TENM3: variants seen among roughly 807,000 people sequenced by gnomAD.
TENM3 encodes the protein teneurin-3.
In TENM3, 63 loss-of-function variants were observed where a neutral mutation model predicts 255.1. That is an observed-to-expected ratio of 0.25 (90% confidence interval 0.20 to 0.30). TENM3 has a LOEUF of 0.30. Among genes scored for constraint, TENM3 ranks in the 10% least tolerant of loss-of-function variants. The pLI is 1.00. For synonymous variants in TENM3, 1,306 were observed against 1,322.3 expected, an observed-to-expected ratio of 0.99 and a Z score of 0.27; for missense variants, 2,929 against 3,461.1, an observed-to-expected ratio of 0.85 and a Z score of 3.86.
intron 3 of TENM3, among the ~76,000 whole-genome samples, chr4:182,468,325 A>G (rs1732786158): frequency 6.6e-6 from 1 of 152,134 alleles, no homozygotes; most frequent in Non-Finnish European, 1.5e-5. Flanking sequence ...CAGTGGTCAG[A>G]TTTCCGCTGT....
intron 3 of TENM3, among the ~76,000 whole-genome samples, chr4:182,570,083 C>T (rs1478940206): frequency 6.6e-6 from 1 of 152,090 alleles, no homozygotes; most frequent in African/African-American, 2.4e-5. Context: ...AGCCTTGAGG[C>T]ATAGAGATAA....
At chr4:181,711,822 G>T in the TENM3 span, among the ~76,000 whole-genome samples, 1 of 152,228 alleles carries the variant, frequency 6.6e-6, no homozygotes, top group South Asian at 2.1e-4. Context: ...CAATCTCCGT[G>T]CCTTTGTTTG....
chr4:182,321,193 C>T (rs553320379), intron 1 of TENM3, among the ~76,000 whole-genome samples: 2 of 152,258 alleles, frequency 1.3e-5, no homozygotes, highest in African/African-American at 2.4e-5. Flanking sequence ...CATATTTATT[C>T]ACTCTGTCAG....
At chr4:182,126,123 T>G in the TENM3 span, among the ~76,000 whole-genome samples, 53 of 152,272 alleles carry the variant, frequency 3.5e-4, no homozygotes, top group East Asian at 8.7e-3. Flanking sequence ...TGTACAGATT[T>G]GCAATAAAAT....
At chr4:182,730,840 T>A (rs755273189) in intron 15 of TENM3, 38 bp from the exon 16 acceptor site, 4 of 1,606,338 alleles carry the variant, frequency 2.5e-6, no homozygotes, top group Non-Finnish European at 3.4e-6. Flanking sequence ...TTATGTGGGA[T>A]CCAGACAATT....
the TENM3 span, among the ~76,000 whole-genome samples, chr4:182,094,251 T>C: frequency 1.5e-5 from 2 of 135,278 alleles, no homozygotes; most frequent in Admixed American, 1.6e-4. Context: ...CATTCTTTAC[T>C]TTTTTTTTTT....
chr4:181,650,151 A>G, the TENM3 span, among the ~76,000 whole-genome samples: 2 of 152,212 alleles, frequency 1.3e-5, no homozygotes, highest in Admixed American at 6.5e-5. Flanking sequence ...AAACTGGCGT[A>G]TCACTCTGGC....
intron 3 of TENM3, among the ~76,000 whole-genome samples, chr4:182,440,306 G>A (rs1169277340): frequency 1.3e-5 from 2 of 151,930 alleles, no homozygotes; most frequent in Non-Finnish European, 2.9e-5. Context: ...TAGAGACGGG[G>A]TGTCACCATC....
chr4:182,726,269 C>G (rs1760172640), intron 13 of TENM3, among the ~76,000 whole-genome samples: 1 of 152,082 alleles, frequency 6.6e-6, no homozygotes, highest in African/African-American at 2.4e-5. Flanking sequence ...TCTGGATAAG[C>G]TAGGTCTCTG....
intron 3 of TENM3, among the ~76,000 whole-genome samples, chr4:182,406,185 G>C (rs1769559975): frequency 6.6e-6 from 1 of 151,996 alleles, no homozygotes; most frequent in Non-Finnish European, 1.5e-5. Context: ...GGTGCCTGTA[G>C]TCCCAGCTAC....
chr4:181,977,751 C>A, the TENM3 span, among the ~76,000 whole-genome samples: 1 of 152,278 alleles, frequency 6.6e-6, no homozygotes. Context: ...AAGGACTTTG[C>A]TTCCCTCTTG....
chr4:182,652,939 A>G (rs1753444461), intron 5 of TENM3, among the ~76,000 whole-genome samples: 1 of 152,154 alleles, frequency 6.6e-6, no homozygotes, highest in Non-Finnish European at 1.5e-5. Context: ...ACAGCGACAC[A>G]TTTTTCTAAA....
chr4:182,784,711 G>A (rs1338230902), intron 24 of TENM3, among the ~76,000 whole-genome samples: 7 of 150,930 alleles, frequency 4.6e-5, no homozygotes, highest in Non-Finnish European at 8.9e-5. Flanking sequence ...GCGAGACTCC[G>A]TGGGCGTAGG....
chr4:181,999,849 A>T, the TENM3 span, among the ~76,000 whole-genome samples: 22 of 152,272 alleles, frequency 1.4e-4, no homozygotes, highest in African/African-American at 5.3e-4. Context: ...AGGTCCTCCA[A>T]TTTTGATATA....
At chr4:182,585,143 G>A (rs1416124572) in intron 3 of TENM3, among the ~76,000 whole-genome samples, 1 of 152,090 alleles carries the variant, frequency 6.6e-6, no homozygotes, top group African/African-American at 2.4e-5. Flanking sequence ...ACACTTCACA[G>A]TTTATAAAAA....
chr4:182,125,808 C>T, the TENM3 span, among the ~76,000 whole-genome samples: 1 of 146,750 alleles, frequency 6.8e-6, no homozygotes, highest in African/African-American at 2.5e-5. Context: ...TAACTACATG[C>T]TTGGGATCAT....
intron 1 of TENM3, among the ~76,000 whole-genome samples, chr4:182,248,244 A>G (rs1757780017): frequency 6.6e-6 from 1 of 152,218 alleles, no homozygotes; most frequent in Admixed American, 6.5e-5. Context: ...CATACATCCC[A>G]GAACTTACAG....
intron 3 of TENM3, among the ~76,000 whole-genome samples, chr4:182,350,944 A>G (rs1257031014): frequency 6.6e-6 from 1 of 151,970 alleles, no homozygotes; most frequent in African/African-American, 2.4e-5. Flanking sequence ...CTGCCTCCCA[A>G]AGTGCTGGGA....
chr4:182,562,566 C>A lies in TENM3; in HGVS notation c.512-38358C>A, dbSNP rs553809457. 5.3e-5 allele frequency among the ~76,000 whole-genome samples: 8 copies of A among 152,222 alleles called. 1 individual carries two copies. In the South Asian group the frequency reaches 1.7e-3, roughly 32 times the overall value. On this transcript the variant is annotated intron_variant, in intron 3 of 27. Transcript: ENST00000511685. ...AATGTATGGCTGCCCTACCGTGACA[C>A]CCTGGGCATAGTGGGGGTTGGGGTT...
Sources: allele counts gnomAD v4.1 joint callset (sites outside exome capture counted in the v4.1 genomes callset), GRCh38; gene constraint gnomAD v4.1.1; transcripts MANE v1.5; gene names NCBI Gene and HGNC (gene_info 2026-07-23, HGNC 2026-07-21).